UBE2U: variants seen among roughly 807,000 people sequenced by gnomAD.
The protein encoded by UBE2U is ubiquitin conjugating enzyme E2 U.
In UBE2U, 39 loss-of-function variants were observed where a neutral mutation model predicts 41.2. That is an observed-to-expected ratio of 0.95 (90% CI 0.73 to 1.24). The LOEUF (loss-of-function observed/expected upper bound fraction) is 1.24, where lower values mean the gene tolerates loss of function less well. UBE2U is among the 50% of genes most tolerant of loss of function. The pLI is 0.00. For synonymous variants in UBE2U, 107 were observed against 117.8 expected, an observed-to-expected ratio of 0.91 and a Z score of 0.60; for missense variants, 336 against 363.1, an observed-to-expected ratio of 0.93 and a Z score of 0.61.
chr1:64,250,486 AC>A (rs1294660317), intron 8 of UBE2U, among the ~76,000 whole-genome samples: 1 of 152,198 alleles, frequency 6.6e-6, no homozygotes, highest in Non-Finnish European at 1.5e-5. Context: ...TACCTCAATA[AC>A]AAAACCAAAG....
chr1:64,224,428 T>A (rs891681209), intron 6 of UBE2U, among the ~76,000 whole-genome samples: 1 of 152,006 alleles, frequency 6.6e-6, no homozygotes, highest in Non-Finnish European at 1.5e-5. Flanking sequence ...GTTGCTAACA[T>A]TAAAAGTAAG....
chr1:64,221,012 G>A, intron 6 of UBE2U, 105 bp downstream of exon 6: 1 of 737,980 alleles, frequency 1.4e-6, no homozygotes, highest in Non-Finnish European at 2.1e-6. Context: ...TTTTAATTTA[G>A]AAACATCTTA....
At chr1:64,254,871 C>T (rs754591927) in intron 8 of UBE2U, among the ~76,000 whole-genome samples, 2 of 151,856 alleles carry the variant, frequency 1.3e-5, no homozygotes, top group South Asian at 2.1e-4. Context: ...AACTAGAGAA[C>T]CAAGAGCAAA....
At chr1:64,239,304 G>C (rs866577410) in intron 7 of UBE2U, among the ~76,000 whole-genome samples, 10 of 151,904 alleles carry the variant, frequency 6.6e-5, no homozygotes, top group African/African-American at 2.4e-4. Context: ...AAGTATATAT[G>C]AGCATATGAT....
At position 64,215,009 on chromosome 1, in the gene UBE2U, G is replaced by A. The variant is rs1651901141; in HGVS notation, c.457+77G>A. The A allele has an allele frequency of 1.2e-5, 13 of 1,105,120 alleles. No homozygotes were observed. The South Asian group carries it at 1.7e-4, about 15-fold the overall frequency. 68.5% of individuals were successfully genotyped at this position (1,105,120 alleles called of 1,614,324 possible). On this transcript the variant is annotated intron_variant, in intron 5 of 9. Transcript: ENST00000371077. The stretch of plus-strand genomic sequence containing the variant: ...ACACTTTGGGAGGCTCAGGTGGGTG[G>A]ATCATCTGAGGTCCGGAGTTCGAGA...
At chr1:64,204,213 A>T in intron 1 of UBE2U, 97 bp downstream of exon 1, 1 of 1,103,142 alleles carries the variant, frequency 9.1e-7, no homozygotes, top group Admixed American at 2.4e-5. Flanking sequence ...ATTTAGTTAA[A>T]CCTGATTTGC....
rs752567312 is a variant in UBE2U, at chr1:64,232,674, T to C, written c.595+25T>C. 1.8e-4 allele frequency: 277 copies of C among 1,565,796 alleles called. 1 individual carries two copies. The Middle Eastern group carries it at 2.9e-3, about 16-fold the overall frequency. ...TGTAAGGTGAACTATCCTTATCCTATGTCCTTTTGGTATATGTTAATCTGT... is the reference window on the plus strand; with the variant it reads ...TGTAAGGTGAACTATCCTTATCCTACGTCCTTTTGGTATATGTTAATCTGT... On this transcript the variant is annotated intron_variant, in intron 7 of 9. Coordinates refer to ENST00000371077, the MANE Select transcript of UBE2U (RefSeq NM_001366232.2).
At chr1:64,230,518 T>G (rs1474818858) in intron 6 of UBE2U, among the ~76,000 whole-genome samples, 2 of 152,198 alleles carry the variant, frequency 1.3e-5, no homozygotes, top group African/African-American at 4.8e-5. Context: ...ATCCTCTGTG[T>G]GTACATATGT....
Position 64,267,316 on chromosome 1 carries a change from T to G in UBE2U, c.*108T>G, listed in dbSNP as rs1570175463. ...TTGGATTTCATTTTTTTTAAGTTGTTCTCACCCACTCACTGCAAGTACAAA... is the reference window on the plus strand; with the variant it reads ...TTGGATTTCATTTTTTTTAAGTTGTGCTCACCCACTCACTGCAAGTACAAA... On this transcript the variant is annotated 3_prime_UTR_variant, in exon 10 of 10. Transcript: ENST00000371077. 2 of 884,656 alleles carry G rather than the reference T, an allele frequency of 2.3e-6. No homozygotes were observed. The highest frequency in any genetic ancestry group is 3.3e-6 in the Non-Finnish European group (2 of 607,502). The allele number at this position is 884,656 out of a possible 1,614,324, so 54.8% of individuals were successfully genotyped here. A position where few individuals can be genotyped will look rare whatever the true frequency, so the allele number is the denominator to read the frequency against.
chr1:64,208,502 T>G (rs1284847122), intron 3 of UBE2U, among the ~76,000 whole-genome samples: 1 of 148,652 alleles, frequency 6.7e-6, no homozygotes, highest in Non-Finnish European at 1.5e-5. Context: ...CTACTTCAGG[T>G]CTGAGGTAGG....
chr1:64,256,238 T>C (rs1468477053), intron 8 of UBE2U, among the ~76,000 whole-genome samples: 4 of 152,060 alleles, frequency 2.6e-5, no homozygotes, highest in East Asian at 3.9e-4. Flanking sequence ...TAAACTACCA[T>C]TGACATTCTT....
chr1:64,259,874 C>T (rs1645154826), intron 8 of UBE2U, among the ~76,000 whole-genome samples: 1 of 151,570 alleles, frequency 6.6e-6, no homozygotes, highest in South Asian at 2.1e-4. Context: ...GAATCATGTC[C>T]CCACAAAACA....
chr1:64,225,631 A>G (rs922526082), intron 6 of UBE2U, among the ~76,000 whole-genome samples: 23 of 152,228 alleles, frequency 1.5e-4, no homozygotes, highest in Admixed American at 1.5e-3. Context: ...GGGCAAGACA[A>G]TGGTGGTTCG....
chr1:64,221,532 T>C (rs1181614804), intron 6 of UBE2U, among the ~76,000 whole-genome samples: 1 of 152,046 alleles, frequency 6.6e-6, no homozygotes, highest in East Asian at 1.9e-4. Flanking sequence ...TAGATAAAAA[T>C]GGTAAGAGTT....
chr1:64,227,505 A>T (rs1652954806), intron 6 of UBE2U, among the ~76,000 whole-genome samples: 1 of 152,230 alleles, frequency 6.6e-6, no homozygotes, highest in South Asian at 2.1e-4. Context: ...TTGAAATTTT[A>T]AAAATACCAC....
chr1:64,233,353 G>A (rs1644606966), intron 7 of UBE2U, among the ~76,000 whole-genome samples: 2 of 151,974 alleles, frequency 1.3e-5, no homozygotes, highest in South Asian at 4.2e-4. Flanking sequence ...TGTCCAGGCT[G>A]GTTTGGAACT....
At chr1:64,225,800 C>T (rs1029881022) in intron 6 of UBE2U, among the ~76,000 whole-genome samples, 5 of 152,150 alleles carry the variant, frequency 3.3e-5, no homozygotes, top group African/African-American at 7.2e-5. Context: ...CTGTCATTTA[C>T]TGAGATGGAG....
intron 9 of UBE2U, among the ~76,000 whole-genome samples, chr1:64,261,427 CA>C (rs934601969): frequency 4.0e-5 from 6 of 150,564 alleles, no homozygotes; most frequent in Middle Eastern, 3.4e-3. Context: ...CTGAAAAGTA[CA>C]AAAAAAAATA....
intron 6 of UBE2U, among the ~76,000 whole-genome samples, chr1:64,228,138 G>A (rs1304463422): frequency 1.3e-5 from 2 of 152,126 alleles, no homozygotes; most frequent in East Asian, 3.9e-4. Flanking sequence ...CAAAGTTACA[G>A]CATAGATACC....
Sources: gnomAD v4.1 joint callset for allele counts (sites outside exome capture counted in the v4.1 genomes callset) on GRCh38, gnomAD v4.1.1 for gene constraint, MANE v1.5 for transcripts, NCBI Gene and HGNC (gene_info 2026-07-23, HGNC 2026-07-21) for gene names.